The following TRIM33 variants were observed in gnomAD, a reference collection of about 807,000 sequenced individuals.
TRIM33 encodes E3 ubiquitin-protein ligase TRIM33.
Under a neutral mutation model 125.4 loss-of-function variants are expected in TRIM33, and 20 were observed. The ratio of observed to expected loss-of-function variants is 0.16; its 90% confidence interval spans 0.11 to 0.23. The LOEUF (loss-of-function observed/expected upper bound fraction) is 0.23. Ranked by LOEUF, TRIM33 falls within the 10% of genes least tolerant of loss-of-function variation. The pLI is 1.00. For missense variants in TRIM33, 920 were observed against 1,411.4 expected, an observed-to-expected ratio of 0.65 and a Z score of 5.58; for synonymous variants, 564 against 513.9, an observed-to-expected ratio of 1.10 and a Z score of -1.32.
rs1383083638 is a variant in TRIM33 at position 114,399,547 on chromosome 1, A to T, written c.3030T>A (p.Leu1010=). 6.2e-7 allele frequency: 1 copy of T among 1,612,384 alleles called. No homozygotes were observed. The highest frequency in any genetic ancestry group is 8.5e-7 in the Non-Finnish European group (1 of 1,178,660). The part of the protein sequence containing the change: ...PMDLSTVKKK[L]QKKHSQHYQI... ...GGTAGTGTTGGGAATGTTTTTTCTG[A>T]AGCTTCTTTTTCACGGTGGATAAAT... Residue 1010 remains leucine (L), a synonymous_variant, in exon 18 of 20, where the codon CTT becomes CTA. Transcript: ENST00000358465.
At chr1:114,491,186 G>C (rs1157554640) in intron 1 of TRIM33, among the ~76,000 whole-genome samples, 1 of 152,154 alleles carries the variant, frequency 6.6e-6, no homozygotes, top group Admixed American at 6.5e-5. Context: ...GTTTTAATGA[G>C]TGGCTATATT....
chr1:114,445,234 G>A (rs550443000), intron 4 of TRIM33, among the ~76,000 whole-genome samples: 7 of 152,198 alleles, frequency 4.6e-5, no homozygotes, highest in African/African-American at 1.7e-4. Flanking sequence ...TAGGAGACTT[G>A]GGGTGTTTTT....
intron 4 of TRIM33, among the ~76,000 whole-genome samples, chr1:114,446,813 G>T (rs1181140847): frequency 6.6e-6 from 1 of 152,110 alleles, no homozygotes. Context: ...CCAACACTTC[G>T]GGAGGCAGAG....
At chr1:114,502,356 G>C (rs1001671682) in intron 1 of TRIM33, among the ~76,000 whole-genome samples, 12 of 152,120 alleles carry the variant, frequency 7.9e-5, no homozygotes, top group African/African-American at 2.9e-4. Flanking sequence ...TACAGTCTTA[G>C]TTACTGAGGA....
intron 4 of TRIM33, among the ~76,000 whole-genome samples, chr1:114,453,311 C>T (rs1327449325): frequency 6.6e-6 from 1 of 151,398 alleles, no homozygotes; most frequent in Non-Finnish European, 1.5e-5. Context: ...TTGCAGTGAG[C>T]CGAGATCATG....
chr1:114,503,951 T>A (rs2336578), intron 1 of TRIM33, among the ~76,000 whole-genome samples: 90 of 152,310 alleles, frequency 5.9e-4, no homozygotes, highest in African/African-American at 2.1e-3. Context: ...TTCCACTTTC[T>A]TCCGCAGCAG....
intron 4 of TRIM33, among the ~76,000 whole-genome samples, chr1:114,443,184 C>T (rs1648762102): frequency 6.6e-6 from 1 of 151,436 alleles, no homozygotes; most frequent in South Asian, 2.1e-4. Flanking sequence ...GAGTTCAAGA[C>T]CAGCCTGGCC....
At chr1:114,509,171 T>C (rs766372758) in intron 1 of TRIM33, among the ~76,000 whole-genome samples, 23 of 152,322 alleles carry the variant, frequency 1.5e-4, no homozygotes, top group Admixed American at 2.6e-4. Context: ...TTTATCCTCT[T>C]GATATGAAAG....
chr1:114,437,901 G>T (rs998637362), intron 4 of TRIM33, among the ~76,000 whole-genome samples: 1 of 152,142 alleles, frequency 6.6e-6, no homozygotes, highest in South Asian at 2.1e-4. Context: ...ATGAAAATAT[G>T]GTGCTCATGA....
At chr1:114,412,406 C>G (rs979140745) in intron 11 of TRIM33, among the ~76,000 whole-genome samples, 4 of 152,156 alleles carry the variant, frequency 2.6e-5, no homozygotes, top group African/African-American at 9.7e-5. Flanking sequence ...AAGTGTAGTA[C>G]CTGATGTGAA....
intron 5 of TRIM33, among the ~76,000 whole-genome samples, chr1:114,432,426 G>A (rs1445431379): frequency 6.6e-6 from 1 of 152,068 alleles, no homozygotes; most frequent in East Asian, 1.9e-4. Flanking sequence ...CCCACCAATG[G>A]AGTGTGTGTG....
At chr1:114,423,679 C>T (rs868734437) in intron 10 of TRIM33, among the ~76,000 whole-genome samples, 21 of 151,980 alleles carry the variant, frequency 1.4e-4, no homozygotes, top group African/African-American at 4.6e-4. Flanking sequence ...GGATTACAGG[C>T]GTGAGCCACC....
intron 1 of TRIM33, among the ~76,000 whole-genome samples, chr1:114,487,563 G>T (rs1304036887): frequency 6.6e-6 from 1 of 152,074 alleles, no homozygotes; most frequent in South Asian, 2.1e-4. Flanking sequence ...TTAACAGAAG[G>T]AACCTTGAAT....
At chr1:114,479,202 G>A (rs1191227360) in intron 1 of TRIM33, among the ~76,000 whole-genome samples, 1 of 152,138 alleles carries the variant, frequency 6.6e-6, no homozygotes, top group East Asian at 1.9e-4. Flanking sequence ...CAACATAAAT[G>A]TAATAAAAGT....
chr1:114,398,356 A>G (rs1171989581), intron 18 of TRIM33, among the ~76,000 whole-genome samples: 3 of 152,336 alleles, frequency 2.0e-5, no homozygotes, highest in Non-Finnish European at 4.4e-5. Flanking sequence ...TAAAAATTCT[A>G]TCTGTATAGC....
chr1:114,473,274 T>A (rs983966469), intron 1 of TRIM33, among the ~76,000 whole-genome samples: 3 of 144,300 alleles, frequency 2.1e-5, no homozygotes, highest in Admixed American at 6.9e-5. Flanking sequence ...AAAAAAAAAA[T>A]TCATTTTTTT....
Position 114,497,358 on chromosome 1 carries a change from G to A in TRIM33, c.526+13193C>T, listed in dbSNP as rs574776734. On this transcript the variant is annotated intron_variant, in intron 1 of 19. Coordinates refer to ENST00000358465, the MANE Select transcript of TRIM33 (RefSeq NM_015906.4). Reference sequence around the variant, plus strand: ...ATTGCCCAGGCTGGAGTGCAACAGCGCAATCTCGGCTCACTGTAACCTCTG... The same window carrying A: ...ATTGCCCAGGCTGGAGTGCAACAGCACAATCTCGGCTCACTGTAACCTCTG... 3.3e-3 allele frequency among the ~76,000 whole-genome samples: 506 copies of A among 152,218 alleles called. 3 individuals carry two copies. Among genetic ancestry groups the A allele is most frequent in the African/African-American group, 0.011 (475 of 41,510 alleles).
chr1:114,457,872 T>C (rs1649718373), intron 4 of TRIM33, among the ~76,000 whole-genome samples: 1 of 152,240 alleles, frequency 6.6e-6, no homozygotes, highest in South Asian at 2.1e-4. Flanking sequence ...ACTCTGCAGT[T>C]GGTGTCAGAA....
chr1:114,444,058 A>G (rs902220789), intron 4 of TRIM33, among the ~76,000 whole-genome samples: 1 of 152,200 alleles, frequency 6.6e-6, no homozygotes, highest in Non-Finnish European at 1.5e-5. Flanking sequence ...AAAGAGCATC[A>G]TAATCATCCT....
Sources: gnomAD v4.1 joint callset for allele counts (sites outside exome capture counted in the v4.1 genomes callset) on GRCh38, gnomAD v4.1.1 for gene constraint, MANE v1.5 for transcripts, NCBI Gene and HGNC (gene_info 2026-07-23, HGNC 2026-07-21) for gene names.